Variants in CYP2F1 observed in about 807,000 individuals in gnomAD.
CYP2F1 encodes the protein cytochrome P450 2F1.
A neutral mutation model predicts 40.4 loss-of-function variants in CYP2F1; 33 were observed. The ratio of observed to expected loss-of-function variants is 0.82; its 90% CI spans 0.62 to 1.09. The LOEUF (loss-of-function observed/expected upper bound fraction) is 1.09. Ranked by LOEUF, CYP2F1 falls within the 50% of genes least tolerant of loss-of-function variation. The probability of loss-of-function intolerance (pLI) is 0.00; values close to 1 mark genes in which losing one functional copy is unlikely to be tolerated. For missense variants in CYP2F1, 566 were observed against 655.7 expected (o/e 0.86, Z 1.49); for synonymous variants, 235 against 277.2 (o/e 0.85, Z 1.51).
intron 1 of CYP2F1, among the ~76,000 whole-genome samples, chr19:41,115,598 GATAGAT>G (rs1458636635): frequency 5.3e-5 from 8 of 152,110 alleles, no homozygotes; most frequent in Admixed American, 3.3e-4. Context: ...GTAGATAGAT[GATAGAT>G]ATAGATAGAT....
chr19:41,118,200 A>T (rs186618407), intron 3 of CYP2F1, among the ~76,000 whole-genome samples: 1 of 151,964 alleles, frequency 6.6e-6, no homozygotes, highest in African/African-American at 2.4e-5. Context: ...ATGTGACAAG[A>T]CCCAATAAAT....
In CYP2F1 at chr19:41,124,887, G is replaced by C; in HGVS notation, c.1133G>C (p.Arg378Pro). 6.2e-7 allele frequency: 1 copy of C among 1,606,396 alleles called. No individual in the cohort carries two copies. The highest frequency in any genetic ancestry group is 8.5e-7 in the Non-Finnish European group (1 of 1,177,976). Residue 378 changes from arginine (R) to proline (P), a missense_variant, in exon 8 of 10, where the codon CGC becomes CCC. Physicochemically the swap from Arg to Pro is moderately radical, Grantham distance 103. This residue lies in a region of CYP2F1 where 128 missense variants were observed against 121.0 expected (regional missense o/e 1.06). Coordinates refer to ENST00000331105, the MANE Select transcript of CYP2F1 (RefSeq NM_000774.5). ...CGCGTCACTAGGGACACGGCCTTTC[G>C]CGGCTTCCTGATACCCAAGGTGCGC... ...PHRVTRDTAF[R>P]GFLIPKGTDV...
intron 3 of CYP2F1, among the ~76,000 whole-genome samples, chr19:41,119,748 T>TATATACACACAC (rs1337166345): frequency 3.0e-4 from 11 of 36,098 alleles, no homozygotes; most frequent in East Asian, 2.5e-3. Context: ...TATATATATA[T>TATATACACACAC]ACACACACAC....
chr19:41,123,464 T>C (rs1433275252), intron 7 of CYP2F1: 3 of 335,624 alleles, frequency 8.9e-6, no homozygotes, highest in Non-Finnish European at 1.8e-5. Flanking sequence ...GTGATCCACC[T>C]GCCTCAGCCT....
chr19:41,122,985 G>A (rs1264533391), intron 7 of CYP2F1, 22 bp downstream of exon 7: 1 of 1,603,272 alleles, frequency 6.2e-7, no homozygotes, highest in Non-Finnish European at 8.5e-7. Context: ...CCACACAGCA[G>A]CGTGGAGGTG....
chr19:41,124,244 T>TCCC (rs1568381316), intron 7 of CYP2F1, among the ~76,000 whole-genome samples: 2 of 32,994 alleles, frequency 6.1e-5, no homozygotes, highest in African/African-American at 1.4e-4. Context: ...TTTTTTCCTC[T>TCCC]TCCCCCCCCC....
rs772716121 is a variant in CYP2F1, at chr19:41,120,407, T to C, written c.395T>C (p.Leu132Pro). The change falls in exon 4 of 10, where the codon CTA (leucine) becomes CCA (proline). Residue 132 changes from leucine (L) to proline (P), a missense_variant. Physicochemically the swap from Leu to Pro is moderately conservative, Grantham distance 98. This residue lies in a region of CYP2F1 where 264 missense variants were observed against 275.7 expected (regional missense o/e 0.96). Transcript: ENST00000331105. Reference protein sequence around the residue: ...KVLRQFSIQILRNFGMGKRSI... With the variant: ...KVLRQFSIQIPRNFGMGKRSI... ...CTGAGACAGTTCTCTATCCAGATTCTACGGAATTTCGGGATGGGGAAGAGA... is the reference window on the plus strand; with the variant it reads ...CTGAGACAGTTCTCTATCCAGATTCCACGGAATTTCGGGATGGGGAAGAGA... 9 of 1,614,086 alleles carry C rather than the reference T, an allele frequency of 5.6e-6. No homozygotes were observed. The highest frequency in any genetic ancestry group is 1.7e-5 in the Admixed American group (1 of 60,004).
intron 7 of CYP2F1, among the ~76,000 whole-genome samples, chr19:41,123,764 T>A (rs1484409685): frequency 6.6e-6 from 1 of 152,128 alleles, no homozygotes; most frequent in African/African-American, 2.4e-5. Flanking sequence ...GCTCAAGCAA[T>A]CCTCTCACCT....
intron 1 of CYP2F1, among the ~76,000 whole-genome samples, chr19:41,115,236 C>T (rs1189134081): frequency 1.3e-5 from 2 of 152,120 alleles, no homozygotes; most frequent in Non-Finnish European, 2.9e-5. Context: ...GTCTCTGTGT[C>T]TAGCTCTGTC....
chr19:41,119,723 C>CTCTCTCTCTCTCTA (rs1478574507), intron 3 of CYP2F1, among the ~76,000 whole-genome samples: 7 of 35,808 alleles, frequency 2.0e-4, no homozygotes, highest in Non-Finnish European at 2.6e-4. Flanking sequence ...CTCTCTCTCT[C>CTCTCTCTCTCTCTA]TATATATATA....
In CYP2F1 at chr19:41,116,533, G is replaced by C; in HGVS notation, c.250G>C (p.Val84Leu). ...RVVVLSGYQA[V>L]KEALVDQGEE... ...GGTGGTCCTCAGCGGGTACCAAGCT[G>C]TGAAGGAGGCCCTGGTGGACCAGGG... The change falls in exon 3 of 10, where the codon GTG becomes CTG. Residue 84 changes from valine to leucine, a missense_variant. Coordinates refer to ENST00000331105, the MANE Select transcript of CYP2F1 (RefSeq NM_000774.5). 6.2e-7 allele frequency: 1 copy of C among 1,614,058 alleles called. No homozygotes were observed. Among genetic ancestry groups the C allele is most frequent in the Non-Finnish European group, 8.5e-7 (1 of 1,179,978 alleles).
At position 41,116,383 on chromosome 19, in the gene CYP2F1, A is replaced by G. The variant is rs762105225; in HGVS notation, c.171+24A>G. The G allele has an allele frequency of 9.3e-6, 15 of 1,612,312 alleles. No individual in the cohort carries two copies. In the Admixed American group the frequency reaches 2.3e-4, roughly 25 times the overall value. On this transcript the variant is annotated intron_variant, in intron 2 of 9. Transcript: ENST00000331105. The stretch of plus-strand genomic sequence containing the variant: ...AGGTGCAAGGCCCTTAGCTTGGGTG[A>G]TGGTGGAAGGATAAGGAGGAGGGGT...
rs753307655 is a variant in CYP2F1, at chr19:41,121,604, A to G, written c.631A>G (p.Ser211Gly). ...CAATGACAACTTCCAAATCATGAGC[A>G]GCCCCTGGGGCGAGGTCAGCCAACT... ...LINDNFQIMSSPWGELYDIFP... is the reference protein window; with the variant it reads ...LINDNFQIMSGPWGELYDIFP... The change falls in exon 5 of 10, where the codon AGC becomes GGC. Residue 211 changes from serine to glycine, a missense_variant. Physicochemically the swap from Ser to Gly is moderately conservative, Grantham distance 56 (BLOSUM62 0). This residue lies in a region of CYP2F1 where 264 missense variants were observed against 275.7 expected (regional missense o/e 0.96). Transcript: ENST00000331105. 13 of 1,610,154 alleles carry G rather than the reference A, an allele frequency of 8.1e-6. No homozygotes were observed. In the South Asian group the frequency reaches 1.4e-4, roughly 18 times the overall value.
intron 4 of CYP2F1, 108 bp from the exon 5 acceptor site, chr19:41,121,350 A>T: frequency 8.8e-7 from 1 of 1,136,688 alleles, no homozygotes; most frequent in Non-Finnish European, 1.3e-6. Context: ...ACCGTAAGAC[A>T]CGTTGCCATG....
chr19:41,114,925 A>G (rs945402649), intron 1 of CYP2F1, among the ~76,000 whole-genome samples: 1 of 150,134 alleles, frequency 6.7e-6, no homozygotes, highest in Non-Finnish European at 1.5e-5. Flanking sequence ...GCCTAACACC[A>G]CGCCTGACTA....
At chr19:41,123,160 C>T (rs776862361) in intron 7 of CYP2F1, 197 bp downstream of exon 7, 10 of 705,096 alleles carry the variant, frequency 1.4e-5, no homozygotes, top group South Asian at 3.0e-5. Flanking sequence ...GCCCGAATCC[C>T]GACCCAGATC....
chr19:41,127,932 G>A lies in CYP2F1; in HGVS notation c.1326G>A (p.Ala442=), dbSNP rs773570318. The part of the protein sequence containing the change: ...GRRLCLGESL[A]RMELFLYLTA... ...GTCTGTGCCTGGGAGAGTCGCTGGC[G>A]CGCATGGAGCTCTTTCTGTACCTCA... is the stretch of plus-strand genomic sequence containing the variant. Residue 442 remains alanine (A), a synonymous_variant, in exon 10 of 10, where the codon GCG becomes GCA. Transcript: ENST00000331105. 15 of 1,612,864 alleles carry A rather than the reference G, an allele frequency of 9.3e-6. 1 individual carries two copies. Among genetic ancestry groups the A allele is most frequent in the African/African-American group, 1.3e-5 (1 of 74,792 alleles).
At position 41,127,927 on chromosome 19, in the gene CYP2F1, C is replaced by A. The variant is rs776788444; in HGVS notation, c.1321C>A (p.Leu441Met). 7.4e-6 allele frequency: 12 copies of A among 1,612,772 alleles called. No homozygotes were observed. In the Admixed American group the frequency reaches 1.8e-4, roughly 25 times the overall value. ...AGRRLCLGES[L>M]ARMELFLYLT... ...GCGCCGTCTGTGCCTGGGAGAGTCG[C>A]TGGCGCGCATGGAGCTCTTTCTGTA... Residue 441 changes from leucine (L) to methionine (M), a missense_variant, in exon 10 of 10, where the codon CTG (leucine) becomes ATG (methionine). Physicochemically the swap from Leu to Met is conservative, Grantham distance 15 (BLOSUM62 2). Around this residue, in one of 5 missense-constraint regions of CYP2F1, gnomAD observed 85 missense variants for 84.9 expected, o/e 1.00. Transcript: ENST00000331105.
chr19:41,128,246 G>C lies in CYP2F1; in HGVS notation c.*164G>C, dbSNP rs3920. 3.3e-6 allele frequency: 2 copies of C among 613,742 alleles called. No individual in the cohort carries two copies. Among genetic ancestry groups the C allele is most frequent in the African/African-American group, 2.3e-5 (1 of 44,344 alleles). The allele number at this position is 613,742 out of a possible 1,614,324, so 38.0% of individuals were successfully genotyped here. On this transcript the variant is annotated 3_prime_UTR_variant, in exon 10 of 10. Transcript: ENST00000331105. ...CCCTTCCCCCATCCCTCCAATCTGTGCCCCGTCTGCAGGGCAGAGGCAGAT... is the reference window on the plus strand; with the variant it reads ...CCCTTCCCCCATCCCTCCAATCTGTCCCCCGTCTGCAGGGCAGAGGCAGAT...
Sources: allele counts gnomAD v4.1 joint callset (sites outside exome capture counted in the v4.1 genomes callset), GRCh38; gene constraint gnomAD v4.1.1; regional missense constraint gnomAD v4.1.1; transcripts MANE v1.5; gene names NCBI Gene and HGNC (gene_info 2026-07-23, HGNC 2026-07-21).